Variants in ASIC2 observed in about 807,000 individuals in gnomAD.
The protein encoded by ASIC2 is acid-sensing ion channel 2.
In ASIC2, 25 loss-of-function variants were observed where a neutral mutation model predicts 57.3. That is an observed-to-expected ratio of 0.44 (90% CI 0.32 to 0.61). ASIC2 has a LOEUF of 0.61. Ranked by LOEUF, ASIC2 falls within the 20% of genes least tolerant of loss-of-function variation. The pLI is 0.06. For synonymous variants in ASIC2, 319 were observed against 307.5 expected (o/e 1.04, Z -0.39); for missense variants, 641 against 738.1 (o/e 0.87, Z 1.52).
intron 1 of ASIC2, among the ~76,000 whole-genome samples, chr17:33,337,072 T>C (rs1907542766): frequency 2.2e-5 from 1 of 45,958 alleles, no homozygotes; most frequent in Non-Finnish European, 4.6e-5. Flanking sequence ...GGCTTTGTGC[T>C]CCTGGGGGTC....
rs149771805 is a variant in ASIC2 at position 34,084,760 on chromosome 17, C to A, written c.555+71218G>T. ...TTCTCCTTGAAGAGGTCCTTTACGT[C>A]CCTTGTAAGGTGGATTCCTAGGTAT... On this transcript the variant is annotated intron_variant, in intron 1 of 9. Coordinates refer to the ASIC2 transcript ENST00000359872. Among the ~76,000 whole-genome samples, 15 of 152,268 alleles carry A rather than the reference C, an allele frequency of 9.9e-5. No individual in the cohort carries two copies. The East Asian group carries it at 2.3e-3, about 23-fold the overall frequency.
intron 1 of ASIC2, among the ~76,000 whole-genome samples, chr17:33,950,445 G>A (rs1346921586): frequency 6.6e-6 from 1 of 152,232 alleles, no homozygotes; most frequent in African/African-American, 2.4e-5. Context: ...TCTGCTGCCT[G>A]TCACTGGAAA....
At chr17:33,779,987 T>TTTTTTTG in intron 1 of ASIC2, among the ~76,000 whole-genome samples, 1 of 148,570 alleles carries the variant, frequency 6.7e-6, no homozygotes, top group Non-Finnish European at 1.5e-5. Flanking sequence ...TTTTTTTTTT[T>TTTTTTTG]TGAGACAGAG....
At chr17:33,750,544 G>T (rs1452219878) in intron 1 of ASIC2, among the ~76,000 whole-genome samples, 1 of 152,144 alleles carries the variant, frequency 6.6e-6, no homozygotes, top group Non-Finnish European at 1.5e-5. Flanking sequence ...ACTTAGTGCC[G>T]AGGGCCCTAC....
intron 1 of ASIC2, among the ~76,000 whole-genome samples, chr17:33,457,246 C>CT (rs5820041): frequency 0.017 from 2,468 of 143,290 alleles, 42 homozygotes; most frequent in Non-Finnish European, 0.023. Flanking sequence ...TTTTGTTTTT[C>CT]TTTTTTTTTT....
At chr17:33,498,459 T>C (rs544955633) in intron 1 of ASIC2, among the ~76,000 whole-genome samples, 2 of 152,304 alleles carry the variant, frequency 1.3e-5, no homozygotes, top group South Asian at 4.1e-4. Context: ...GAGAGACTCA[T>C]GACTATTCAG....
chr17:33,797,710 C>A (rs746817567), intron 1 of ASIC2, among the ~76,000 whole-genome samples: 13 of 152,156 alleles, frequency 8.5e-5, no homozygotes, highest in Non-Finnish European at 1.3e-4. Context: ...CGTGAGTTTG[C>A]GCTTCCCTGG....
chr17:33,113,450 G>A (rs1396094114), intron 1 of ASIC2, among the ~76,000 whole-genome samples: 1 of 152,206 alleles, frequency 6.6e-6, no homozygotes, highest in African/African-American at 2.4e-5. Flanking sequence ...AAGAGAGCCA[G>A]GCTGACTGTA....
chr17:33,352,949 C>T (rs917094722), intron 1 of ASIC2, among the ~76,000 whole-genome samples: 1 of 152,106 alleles, frequency 6.6e-6, no homozygotes, highest in Non-Finnish European at 1.5e-5. Context: ...TTCACAATAC[C>T]CGACCCCAGA....
chr17:34,035,501 G>A (rs1907837491), intron 1 of ASIC2, among the ~76,000 whole-genome samples: 2 of 150,388 alleles, frequency 1.3e-5, no homozygotes, highest in African/African-American at 4.9e-5. Flanking sequence ...AACACCAAAA[G>A]CAATGGCAAC....
At chr17:33,827,811 A>T (rs1912983278) in intron 1 of ASIC2, 1 of 152,034 alleles carries the variant, frequency 6.6e-6, no homozygotes, top group Non-Finnish European at 1.5e-5. Flanking sequence ...GCACCTATCA[A>T]CCCGTCATCT....
At chr17:33,934,728 A>T (rs1263874491) in intron 1 of ASIC2, among the ~76,000 whole-genome samples, 8 of 152,134 alleles carry the variant, frequency 5.3e-5, no homozygotes, top group Admixed American at 5.2e-4. Flanking sequence ...TCATCATCTC[A>T]TGCTTTCTTT....
At chr17:33,414,246 G>A (rs768870200) in intron 1 of ASIC2, among the ~76,000 whole-genome samples, 10 of 152,212 alleles carry the variant, frequency 6.6e-5, no homozygotes, top group Non-Finnish European at 7.3e-5. Flanking sequence ...GGAGGGGAGA[G>A]TGGAAGAGGT....
chr17:33,909,536 G>T (rs377167547), intron 1 of ASIC2, among the ~76,000 whole-genome samples: 13 of 152,230 alleles, frequency 8.5e-5, no homozygotes, highest in African/African-American at 3.1e-4. Flanking sequence ...CCCATAGGCT[G>T]GGGGGAGGCA....
In ASIC2 at chr17:34,020,191, A is replaced by G. The variant is rs112718871; in HGVS notation, c.555+135787T>C. On this transcript the variant is annotated intron_variant, in intron 1 of 9. Coordinates refer to the ASIC2 transcript ENST00000359872. ...CATGACCAAAGTCATTATTTTTATC[A>G]GTGTATTTTGCCCTGTTTTCCAGTA... Among the ~76,000 whole-genome samples, 521 of 152,228 alleles carry G rather than the reference A, an allele frequency of 3.4e-3. 1 individual carries two copies. Among genetic ancestry groups the G allele is most frequent in the Non-Finnish European group, 5.5e-3 (377 of 68,034 alleles).
intron 1 of ASIC2, among the ~76,000 whole-genome samples, chr17:33,353,030 T>C (rs1908244535): frequency 6.6e-6 from 1 of 152,202 alleles, no homozygotes; most frequent in Admixed American, 6.5e-5. Context: ...TCCACTGGAT[T>C]CTGAGCTCCT....
At chr17:34,115,945 A>G (rs1252937750) in intron 1 of ASIC2, among the ~76,000 whole-genome samples, 1 of 152,208 alleles carries the variant, frequency 6.6e-6, no homozygotes. Flanking sequence ...GATCCACTCT[A>G]TATGGGTTTT....
chr17:33,353,589 T>A (rs1262494735), intron 1 of ASIC2, among the ~76,000 whole-genome samples: 3 of 152,192 alleles, frequency 2.0e-5, no homozygotes, highest in African/African-American at 7.2e-5. Flanking sequence ...TCCTCCTACC[T>A]CAGACTCCCA....
intron 1 of ASIC2, among the ~76,000 whole-genome samples, chr17:33,280,180 A>C (rs1904882723): frequency 6.6e-6 from 1 of 152,176 alleles, no homozygotes; most frequent in Non-Finnish European, 1.5e-5. Context: ...TTCCAAAGAC[A>C]TGGCAAAAGA....
Sources: allele counts gnomAD v4.1 joint callset (sites outside exome capture counted in the v4.1 genomes callset), GRCh38; gene constraint gnomAD v4.1.1; transcripts MANE v1.5; gene names NCBI Gene and HGNC (gene_info 2026-07-23, HGNC 2026-07-21).